PCDH15: variants seen among roughly 807,000 people sequenced by gnomAD.
PCDH15 encodes the protein protocadherin related 15.
PCDH15 carries 129 observed loss-of-function variants against 178.5 expected under a neutral mutation model. That is an observed-to-expected ratio of 0.72 (90% CI 0.63 to 0.84). The LOEUF is 0.84. Among genes scored for constraint, PCDH15 ranks in the 40% least tolerant of loss-of-function variants. The pLI, the probability that PCDH15 is intolerant of heterozygous loss-of-function variation, is 0.00. For synonymous variants in PCDH15, 800 were observed against 732.0 expected (o/e 1.09, Z -1.50); for missense variants, 2,230 against 2,099.9 (o/e 1.06, Z -1.21).
In PCDH15 at chr10:55,344,271, G is replaced by A. The variant is rs1355154241; in HGVS notation, c.-155-177620C>T. On this transcript the variant is annotated intron_variant, in intron 2 of 5. Transcript: ENST00000613346. ...TTGTGATTATCTTGGCTTTTAATCA[G>A]AGTTATATAGATAGCCGTTAGAAAA... 5.3e-5 allele frequency among the ~76,000 whole-genome samples: 8 copies of A among 152,194 alleles called. No homozygotes were observed. In the East Asian group the frequency reaches 1.5e-3, roughly 29 times the overall value.
intron 23 of PCDH15, among the ~76,000 whole-genome samples, chr10:53,942,956 C>T (rs77198670): frequency 0.015 from 2,335 of 152,210 alleles, 61 homozygotes; most frequent in African/African-American, 0.05. Context: ...AAGATACATA[C>T]TACTTATCAA....
At chr10:54,158,762 A>G (rs908950926) in intron 13 of PCDH15, among the ~76,000 whole-genome samples, 3 of 152,328 alleles carry the variant, frequency 2.0e-5, no homozygotes, top group African/African-American at 7.2e-5. Context: ...ATAAATTGTA[A>G]TGCAAGAGTG....
chr10:53,808,244 A>AGAC lies in PCDH15; in HGVS notation c.4672-1117_4672-1115dup, dbSNP rs572948609. The AGAC allele has an allele frequency of 5.4e-4, 122 of 224,370 alleles. 2 individuals are homozygous for AGAC. In the East Asian group the frequency reaches 0.019, roughly 35 times the overall value. 13.9% of individuals were successfully genotyped at this position (224,370 alleles called of 1,614,324 possible). A position where few individuals can be genotyped will look rare whatever the true frequency, so the allele number is the denominator to read the frequency against. On this transcript the variant is annotated intron_variant, in intron 37 of 37. Coordinates refer to ENST00000644397, the MANE Select transcript of PCDH15 (RefSeq NM_001384140.1). ...TTGAAACGTACATATATGCAAAAGTAGACGACTGTTAAAGATATAATTTGT... is the reference window on the plus strand; with the variant it reads ...TTGAAACGTACATATATGCAAAAGTAGACGACGACTGTTAAAGATATAATTTGT...
At chr10:55,615,845 C>T (rs1843462056) in intron 2 of PCDH15, among the ~76,000 whole-genome samples, 2 of 152,144 alleles carry the variant, frequency 1.3e-5, no homozygotes, top group Non-Finnish European at 2.9e-5. Context: ...CTGTAGTGAG[C>T]TATGATCATT....
At chr10:54,534,807 G>T (rs1234939532) in intron 2 of PCDH15, among the ~76,000 whole-genome samples, 1 of 151,928 alleles carries the variant, frequency 6.6e-6, no homozygotes, top group East Asian at 1.9e-4. Context: ...GTTGATCTTT[G>T]GTATATTCAT....
chr10:54,995,077 GGTTTAGAAATTA>G, intron 2 of PCDH15, among the ~76,000 whole-genome samples: 1 of 152,142 alleles, frequency 6.6e-6, no homozygotes, highest in East Asian at 1.9e-4. Flanking sequence ...CTGGGGAAGA[GGTTTAGAAATTA>G]GTTTAGGCCG....
intron 1 of PCDH15, among the ~76,000 whole-genome samples, chr10:54,689,315 A>C (rs1233724207): frequency 6.6e-6 from 1 of 152,180 alleles, no homozygotes; most frequent in Non-Finnish European, 1.5e-5. Flanking sequence ...AATTAACACA[A>C]AGCACTCTTT....
intron 3 of PCDH15, among the ~76,000 whole-genome samples, chr10:54,514,524 G>C (rs1263557966): frequency 6.6e-6 from 1 of 151,404 alleles, no homozygotes; most frequent in Non-Finnish European, 1.5e-5. Context: ...ATGAAAGCAA[G>C]GAGTAGCACA....
chr10:54,708,303 C>A (rs79435936), intron 1 of PCDH15, among the ~76,000 whole-genome samples: 3 of 151,986 alleles, frequency 2.0e-5, no homozygotes, highest in East Asian at 1.9e-4. Context: ...TTCAAGAGTG[C>A]AAGATAAAAA....
At chr10:54,095,547 C>A (rs1427865111) in intron 15 of PCDH15, among the ~76,000 whole-genome samples, 2 of 151,990 alleles carry the variant, frequency 1.3e-5, no homozygotes, top group African/African-American at 4.8e-5. Flanking sequence ...AAACTGCACA[C>A]AGGAGAGCCA....
At chr10:55,559,477 C>A (rs976687163) in intron 2 of PCDH15, among the ~76,000 whole-genome samples, 2 of 151,630 alleles carry the variant, frequency 1.3e-5, no homozygotes, top group African/African-American at 4.8e-5. Context: ...AGGCTAGCTG[C>A]GGAATATTAG....
chr10:53,807,301 T>A (rs1423208319), intron 37 of PCDH15, among the ~76,000 whole-genome samples, 171 bp from the exon 38 acceptor site: 1 of 152,180 alleles, frequency 6.6e-6, no homozygotes, highest in African/African-American at 2.4e-5. Flanking sequence ...CTTTCATCAA[T>A]CCTTTATTGG....
chr10:54,553,390 C>T (rs954417752), intron 2 of PCDH15, among the ~76,000 whole-genome samples: 1 of 152,210 alleles, frequency 6.6e-6, no homozygotes, highest in Non-Finnish European at 1.5e-5. Context: ...GTCAAGTTCC[C>T]AAATGTTAGT....
intron 1 of PCDH15, among the ~76,000 whole-genome samples, chr10:55,186,289 C>T (rs1839797889): frequency 6.6e-6 from 1 of 150,522 alleles, no homozygotes; most frequent in East Asian, 1.9e-4. Context: ...TTTAGATGAA[C>T]AATATTTAAA....
intron 1 of PCDH15, among the ~76,000 whole-genome samples, chr10:54,772,262 G>T (rs767969303): frequency 6.6e-6 from 1 of 152,112 alleles, no homozygotes; most frequent in Middle Eastern, 3.2e-3. Flanking sequence ...TTTAGGAAGA[G>T]CCATTAAATG....
chr10:54,185,298 G>A (rs759549478), intron 11 of PCDH15, 30 bp from the exon 12 acceptor site: 24 of 1,611,872 alleles, frequency 1.5e-5, no homozygotes, highest in South Asian at 1.3e-4. Context: ...CGTTTCAAAC[G>A]TTGAATAAAT....
At chr10:55,435,202 G>C (rs1316844138) in intron 2 of PCDH15, among the ~76,000 whole-genome samples, 1 of 152,100 alleles carries the variant, frequency 6.6e-6, no homozygotes, top group African/African-American at 2.4e-5. Context: ...CATAAATATA[G>C]ATACTACATA....
intron 2 of PCDH15, among the ~76,000 whole-genome samples, chr10:55,334,242 A>ATATATATATATATATATATATATATGTG (rs1291195941): frequency 2.8e-5 from 2 of 72,140 alleles, no homozygotes; most frequent in African/African-American, 9.5e-5. Context: ...ATATATATAT[A>ATATATATATATATATATATATATATGTG]TGTGTGTGTG....
At chr10:55,582,262 T>A (rs1451559983) in intron 2 of PCDH15, among the ~76,000 whole-genome samples, 1 of 152,162 alleles carries the variant, frequency 6.6e-6, no homozygotes, top group Non-Finnish European at 1.5e-5. Flanking sequence ...CAACAGTTTC[T>A]AAATAGTGGC....
Sources: gnomAD v4.1 joint callset for allele counts (sites outside exome capture counted in the v4.1 genomes callset) on GRCh38, gnomAD v4.1.1 for gene constraint, MANE v1.5 for transcripts, NCBI Gene and HGNC (gene_info 2026-07-23, HGNC 2026-07-21) for gene names.